The following PAM variants were observed in gnomAD, a reference collection of about 807,000 sequenced individuals.
PAM encodes the protein peptidylglycine alpha-amidating monooxygenase.
A neutral mutation model predicts 122.1 loss-of-function variants in PAM; 72 were observed. The observed-to-expected ratio is 0.59, with a 90% CI of 0.49 to 0.72. PAM has a LOEUF of 0.72. PAM is among the 30% of genes least tolerant of loss of function. The probability of loss-of-function intolerance (pLI) is 0.00; values close to 1 mark genes in which losing one functional copy is unlikely to be tolerated. For missense variants in PAM, 1,106 were observed against 1,183.7 expected, an observed-to-expected ratio of 0.93 and a Z score of 0.96; for synonymous variants, 389 against 404.4, an observed-to-expected ratio of 0.96 and a Z score of 0.46.
intron 1 of PAM, among the ~76,000 whole-genome samples, chr5:102,810,715 C>A (rs777501893): frequency 6.6e-6 from 1 of 152,134 alleles, no homozygotes; most frequent in Non-Finnish European, 1.5e-5. Context: ...GTAATCCCAG[C>A]TACTCAGGAG....
At chr5:102,770,046 T>G (rs1755281872) in intron 1 of PAM, among the ~76,000 whole-genome samples, 1 of 152,122 alleles carries the variant, frequency 6.6e-6, no homozygotes, top group Admixed American at 6.6e-5. Context: ...CATCAATATT[T>G]TATAGTTTTC....
At chr5:102,833,710 C>T (rs1776108868) in intron 1 of PAM, among the ~76,000 whole-genome samples, 1 of 152,096 alleles carries the variant, frequency 6.6e-6, no homozygotes, top group Admixed American at 6.6e-5. Context: ...TTTGGTCCAT[C>T]CTCACAAATA....
intron 1 of PAM, among the ~76,000 whole-genome samples, chr5:102,857,720 T>C (rs1279879808): frequency 6.6e-6 from 1 of 152,160 alleles, no homozygotes; most frequent in African/African-American, 2.4e-5. Flanking sequence ...GGAATGATAA[T>C]GGTACAAATT....
intron 18 of PAM, 111 bp downstream of exon 18, chr5:103,005,337 G>A: frequency 2.8e-6 from 2 of 704,210 alleles, no homozygotes; most frequent in East Asian, 2.6e-5. Context: ...CTGTCACCCA[G>A]TAAGTTATAA....
rs547527447 is a variant in PAM at position 102,954,050 on chromosome 5, T to TA, written c.905+3238dup. On this transcript the variant is annotated intron_variant, in intron 12 of 25. Transcript: ENST00000438793. ...TCTCCGTCTCAAAATAAAAAAATAT[T>TA]AAAAAAAAGATAGGTAAGCAAAGTG... is the stretch of plus-strand genomic sequence containing the variant. Among the ~76,000 whole-genome samples, 1,021 of 151,896 alleles carry TA rather than the reference T, an allele frequency of 6.7e-3. 8 individuals are homozygous for TA. The highest frequency in any genetic ancestry group is 0.013 in the Non-Finnish European group (850 of 67,916).
Position 102,885,914 on chromosome 5 carries a change from A to G in PAM, c.211-15442A>G, listed in dbSNP as rs113948789. On this transcript the variant is annotated intron_variant, in intron 3 of 25. Coordinates refer to ENST00000438793, the MANE Select transcript of PAM (RefSeq NM_001177306.2). ...CGCCCACAGCATTCACCAGTGAAGC[A>G]AACAAAAGCCAAATCTAGCACTGTT... Among the ~76,000 whole-genome samples, 919 of 152,122 alleles carry G rather than the reference A, an allele frequency of 6.0e-3. 8 individuals are homozygous for G. The highest frequency in any genetic ancestry group is 0.021 in the African/African-American group (875 of 41,544).
intron 1 of PAM, among the ~76,000 whole-genome samples, chr5:102,847,802 G>A (rs573865601): frequency 1.3e-5 from 2 of 152,148 alleles, no homozygotes; most frequent in Admixed American, 1.3e-4. Flanking sequence ...AACTGAAATC[G>A]GTCAGAGAAC....
chr5:102,920,891 C>T (rs938406054), intron 5 of PAM, among the ~76,000 whole-genome samples: 2 of 151,870 alleles, frequency 1.3e-5, no homozygotes, highest in East Asian at 1.9e-4. Context: ...ACAGATACAA[C>T]CAGAGAGTAC....
rs1265989947 is a variant in PAM, at chr5:102,780,833, TTCTC to T, written c.-374+25487_-374+25490del. Among the ~76,000 whole-genome samples the T allele has an allele frequency of 1.4e-4, 16 of 115,724 alleles. 1 individual carries two copies. Among genetic ancestry groups the T allele is most frequent in the African/African-American group, 4.5e-4 (14 of 30,780 alleles). The allele number at this position is 115,724 out of a possible 152,430, so 75.9% of individuals were successfully genotyped here. On this transcript the variant is annotated intron_variant, in intron 1 of 25. Coordinates refer to ENST00000438793, the MANE Select transcript of PAM (RefSeq NM_001177306.2). Reference sequence around the variant, plus strand: ...TTTCTTTCTTTCTTTCTTTCTTTCTTTCTCTGTCTTTCTCTCTCTCTCTCTCTTT... The same window carrying T: ...TTTCTTTCTTTCTTTCTTTCTTTCTTTGTCTTTCTCTCTCTCTCTCTCTTT...
At chr5:102,984,638 T>TC (rs1174902710) in intron 15 of PAM, among the ~76,000 whole-genome samples, 1 of 152,112 alleles carries the variant, frequency 6.6e-6, no homozygotes. Flanking sequence ...TCCAACACAA[T>TC]AATGGTTGGG....
intron 1 of PAM, among the ~76,000 whole-genome samples, chr5:102,793,100 A>C (rs1241535289): frequency 6.6e-6 from 1 of 152,196 alleles, no homozygotes; most frequent in African/African-American, 2.4e-5. Flanking sequence ...CTTCCTTTAA[A>C]AATTAGGTAA....
chr5:102,940,798 A>G (rs552053097), intron 7 of PAM, among the ~76,000 whole-genome samples: 27 of 152,094 alleles, frequency 1.8e-4, no homozygotes, highest in Non-Finnish European at 3.4e-4. Flanking sequence ...TTAATGCCTC[A>G]GGAAGGGGAC....
intron 7 of PAM, among the ~76,000 whole-genome samples, chr5:102,946,010 G>A (rs1315593262): frequency 6.6e-6 from 1 of 152,100 alleles, no homozygotes; most frequent in East Asian, 1.9e-4. Flanking sequence ...AATCATCAGG[G>A]AAATATGCAA....
At chr5:102,821,548 T>G (rs1771907451) in intron 1 of PAM, among the ~76,000 whole-genome samples, 1 of 152,230 alleles carries the variant, frequency 6.6e-6, no homozygotes, top group Admixed American at 6.5e-5. Flanking sequence ...ACATATAATA[T>G]GGATCTCCAG....
intron 7 of PAM, among the ~76,000 whole-genome samples, chr5:102,938,371 G>A (rs561474069): frequency 6.6e-6 from 1 of 152,252 alleles, no homozygotes; most frequent in African/African-American, 2.4e-5. Flanking sequence ...GTTATGAGAA[G>A]ATATGTAAAG....
intron 1 of PAM, among the ~76,000 whole-genome samples, chr5:102,786,982 C>T (rs1306829877): frequency 2.0e-5 from 3 of 152,026 alleles, no homozygotes; most frequent in Admixed American, 1.3e-4. Context: ...AAGGTAACAC[C>T]TCTGGAAGCA....
intron 14 of PAM, among the ~76,000 whole-genome samples, chr5:102,966,494 A>G (rs970321184): frequency 1.3e-5 from 2 of 152,188 alleles, no homozygotes; most frequent in Non-Finnish European, 2.9e-5. Flanking sequence ...AATAAAGTTC[A>G]CTTCATTTGT....
intron 2 of PAM, 130 bp downstream of exon 2, chr5:102,866,414 G>C: frequency 3.0e-6 from 2 of 668,440 alleles, no homozygotes; most frequent in Non-Finnish European, 5.4e-6. Context: ...TTTTACCACA[G>C]TAACTTCTTG....
chr5:102,866,181 C>A lies in PAM; in HGVS notation c.-15C>A. 6.3e-7 allele frequency: 1 copy of A among 1,589,616 alleles called. No individual in the cohort carries two copies. The highest frequency in any genetic ancestry group is 8.6e-7 in the Non-Finnish European group (1 of 1,159,472). Reference sequence around the variant, plus strand: ...CTGCCCGGTCCTCTCCCGGCGGGGTCGTATCGGCGTGGACATGGCTGGCCG... The same window carrying A: ...CTGCCCGGTCCTCTCCCGGCGGGGTAGTATCGGCGTGGACATGGCTGGCCG... On this transcript the variant is annotated 5_prime_UTR_variant, in exon 2 of 26. Coordinates refer to ENST00000438793, the MANE Select transcript of PAM (RefSeq NM_001177306.2).
Sources: gnomAD v4.1 joint callset for allele counts (sites outside exome capture counted in the v4.1 genomes callset) on GRCh38, gnomAD v4.1.1 for gene constraint, MANE v1.5 for transcripts, NCBI Gene and HGNC (gene_info 2026-07-23, HGNC 2026-07-21) for gene names.